Variants in DDX3X observed in about 807,000 individuals in gnomAD.
DDX3X encodes ATP-dependent RNA helicase DDX3X.
A neutral mutation model predicts 52.7 loss-of-function variants in DDX3X; 4 were observed. The observed-to-expected ratio is 0.08, with a 90% CI of 0.04 to 0.17. The LOEUF (loss-of-function observed/expected upper bound fraction) is 0.17, where lower values mean the gene tolerates loss of function less well. Ranked by LOEUF, DDX3X falls within the 10% of genes least tolerant of loss-of-function variation. DDX3X has a pLI of 1.00. For synonymous variants in DDX3X, 192 were observed against 178.1 expected (o/e 1.08, Z -0.62); for missense variants, 222 against 548.6 (o/e 0.40, Z 5.95).
At chrX:41,351,889 A>T (rs1432041306), downstream of DDX3X, among the ~76,000 whole-genome samples, 1 of 111,020 alleles carries the variant, frequency 9.0e-6, no homozygotes, top group Non-Finnish European at 1.9e-5. Flanking sequence ...TTATGAAAGG[A>T]TATTTTGTGA....
chrX:41,351,769 C>T (rs1366058615), downstream of DDX3X: 1 of 111,097 alleles, frequency 9.0e-6, no homozygotes, highest in African/African-American at 3.3e-5. Context: ...GACTACTCTT[C>T]AATTTCTTCA....
chrX:41,362,732 G>C (rs2064034297), intron 5 of DDX3X, among the ~76,000 whole-genome samples: 1 of 112,120 alleles, frequency 8.9e-6, no homozygotes, highest in African/African-American at 3.2e-5. Context: ...CTCTGGGCTA[G>C]TCTCTTCCCT....
rs774528109 is a variant in DDX3X, at chrX:41,342,560, G to T, written c.350G>T (p.Gly117Val). The change falls in exon 5 of 17, where the codon GGC becomes GTC. Residue 117 changes from glycine (G) to valine (V), a missense_variant. Coordinates refer to ENST00000644876, the MANE Select transcript of DDX3X (RefSeq NM_001356.5). ...AGCCGTGGTGACAGAAGTGGCTTTG[G>T]CAAATTTGAACGTGGTGGAAACAGT... ...IGSRGDRSGF[G>V]KFERGGNSRW... 2 of 1,210,210 alleles carry T rather than the reference G, an allele frequency of 1.7e-6. No individual in the cohort carries two copies. Among genetic ancestry groups the T allele is most frequent in the Non-Finnish European group, 2.2e-6 (2 of 895,243 alleles).
At position 41,342,948 on chromosome X, in the gene DDX3X, T is replaced by C. The variant is rs979321555; in HGVS notation, c.543+112T>C. On this transcript the variant is annotated intron_variant, in intron 6 of 16. Transcript: ENST00000644876. ...CATGTAGACCAGAGGCTTCATAGAT[T>C]TGTGGAAAAGGAGAAGTTGAGTTCA... The C allele has an allele frequency of 2.6e-4, 171 of 667,679 alleles. 2 individuals carry two copies. Among genetic ancestry groups the C allele is most frequent in the Admixed American group, 4.7e-4 (14 of 29,882 alleles). The allele number at this position is 667,679 out of a possible 1,213,427, so 55.0% of individuals were successfully genotyped here.
intron 3 of DDX3X, chrX:41,341,250 G>A (rs1197873306): frequency 3.4e-6 from 1 of 292,190 alleles, no homozygotes; most frequent in East Asian, 6.5e-5. Flanking sequence ...CTCCCAAAGT[G>A]CTGGGATTAC....
At chrX:41,343,993 TA>T in intron 8 of DDX3X, 36 bp from the exon 9 acceptor site, 1 of 1,095,704 alleles carries the variant, frequency 9.1e-7, no homozygotes, top group Non-Finnish European at 1.2e-6. Flanking sequence ...TCAAACAGGG[TA>T]GGTAGAGTTA....
In DDX3X at chrX:41,362,882, C is replaced by T. The variant is rs577757736; in HGVS notation, c.655-1392C>T. 2.7e-5 allele frequency among the ~76,000 whole-genome samples: 3 copies of T among 111,565 alleles called. No individual in the cohort carries two copies. In the South Asian group the frequency reaches 1.1e-3, roughly 42 times the overall value. ...ACATGTAGCGCACTCCAGGTAGACACGTTCTTCCTGGCTCCCATATTATGA... is the reference window on the plus strand; with the variant it reads ...ACATGTAGCGCACTCCAGGTAGACATGTTCTTCCTGGCTCCCATATTATGA... On this transcript the variant is annotated intron_variant, in intron 5 of 5. Coordinates refer to the DDX3X transcript ENST00000616050.
chrX:41,347,027 G>A lies in DDX3X; in HGVS notation c.1769+15G>A. 5.0e-6 allele frequency: 6 copies of A among 1,189,998 alleles called. No individual in the cohort carries two copies. Among genetic ancestry groups the A allele is most frequent in the Non-Finnish European group, 6.8e-6 (6 of 882,044 alleles). On this transcript the variant is annotated intron_variant, in intron 15 of 16. Coordinates refer to ENST00000644876, the MANE Select transcript of DDX3X (RefSeq NM_001356.5). ...CGTTCTAAGAGGTGAGGTATAAATA[G>A]TATATAATGAGGGGAATGGGTGTTC...
intron 14 of DDX3X, 27 bp from the exon 15 acceptor site, chrX:41,346,832 T>C: frequency 8.5e-7 from 1 of 1,178,216 alleles, no homozygotes; most frequent in East Asian, 3.0e-5. Flanking sequence ...GACCTTTGTT[T>C]ATATACTTTT....
chrX:41,334,579 T>G (rs1427944713), intron 1 of DDX3X: 1 of 1,084,232 alleles, frequency 9.2e-7, no homozygotes. Context: ...GCGCGCGCTC[T>G]CGCGGGGACG....
chrX:41,337,735 T>C, intron 2 of DDX3X: 2 of 218,740 alleles, frequency 9.1e-6, no homozygotes, highest in South Asian at 2.8e-4. Context: ...AGTCTCTGCC[T>C]CCGGGTTCAA....
downstream of DDX3X, among the ~76,000 whole-genome samples, chrX:41,353,644 G>A (rs185813984): frequency 8.4e-5 from 9 of 106,910 alleles, no homozygotes; most frequent in East Asian, 2.9e-4. Context: ...GGTGGCAAGC[G>A]CTTATAGTCT....
rs753929070 is a variant in DDX3X, at chrX:41,344,414, GT to G, written c.1025+20del. 1.8e-4 allele frequency: 223 copies of G among 1,206,733 alleles called. No individual in the cohort carries two copies. Among genetic ancestry groups the G allele is most frequent in the Non-Finnish European group, 2.4e-4 (217 of 892,541 alleles). ...GACTTTTGCAAGTATGTTTTATTTT[GT>G]TTTTGTTTTTTTGTTTTGTTTTGTT... On this transcript the variant is annotated intron_variant, in intron 10 of 16. Transcript: ENST00000644876.
intron 12 of DDX3X, 144 bp downstream of exon 12, chrX:41,345,692 G>A (rs1355323555): frequency 5.6e-6 from 3 of 535,778 alleles, no homozygotes; most frequent in Non-Finnish European, 8.7e-6. Flanking sequence ...ACCTGGGCCT[G>A]TTCACCCCTC....
chrX:41,334,699 G>T, intron 1 of DDX3X: 1 of 1,005,817 alleles, frequency 9.9e-7, no homozygotes, highest in African/African-American at 1.9e-5. Context: ...CGGCCTTCAC[G>T]GCTGGCGCAG....
intron 6 of DDX3X, 161 bp from the exon 7 acceptor site, chrX:41,343,055 C>CAG: frequency 3.1e-6 from 2 of 636,061 alleles, no homozygotes; most frequent in Non-Finnish European, 4.8e-6. Flanking sequence ...CTCCAATGTG[C>CAG]AGTAAGCCTG....
chrX:41,355,822 A>G (rs1443346296), intron 5 of DDX3X, among the ~76,000 whole-genome samples: 1 of 109,957 alleles, frequency 9.1e-6, no homozygotes. Flanking sequence ...TAATTGGTGT[A>G]AAGTAGTATC....
intron 5 of DDX3X, among the ~76,000 whole-genome samples, chrX:41,362,251 G>A (rs2064032799): frequency 9.1e-6 from 1 of 109,942 alleles, no homozygotes; most frequent in Non-Finnish European, 1.9e-5. Context: ...ACCACGCCCG[G>A]CTAATTTTTG....
Position 41,347,961 on chromosome X carries a change from C to G in DDX3X, c.*242C>G, listed in dbSNP as rs1205924505. ...CTGTAGTTTGGATTAACTCCCCTCC[C>G]GCCTACCCCCATCCCAAACTGCATT... On this transcript the variant is annotated 3_prime_UTR_variant, in exon 17 of 17. Coordinates refer to ENST00000644876, the MANE Select transcript of DDX3X (RefSeq NM_001356.5). 2.0e-5 allele frequency: 7 copies of G among 347,780 alleles called. No homozygotes were observed. Among genetic ancestry groups the G allele is most frequent in the Non-Finnish European group, 2.9e-5 (6 of 203,760 alleles). The allele number at this position is 347,780 out of a possible 1,213,427, so 28.7% of individuals were successfully genotyped here.
Sources: allele counts gnomAD v4.1 joint callset (sites outside exome capture counted in the v4.1 genomes callset), GRCh38; gene constraint gnomAD v4.1.1; transcripts MANE v1.5; gene names NCBI Gene and HGNC (gene_info 2026-07-23, HGNC 2026-07-21).